Variants in PRKCE observed in about 807,000 individuals in gnomAD.
The protein encoded by PRKCE is protein kinase C epsilon type.
PRKCE carries 16 observed loss-of-function variants against 85.4 expected under a neutral mutation model. That is an observed-to-expected ratio of 0.19 (90% CI 0.13 to 0.28). The LOEUF is 0.28. Ranked by LOEUF, PRKCE falls within the 10% of genes least tolerant of loss-of-function variation. The pLI, the probability that PRKCE is intolerant of heterozygous loss-of-function variation, is 1.00. For synonymous variants in PRKCE, 388 were observed against 371.5 expected, an observed-to-expected ratio of 1.04 and a Z score of -0.51; for missense variants, 573 against 975.2, an observed-to-expected ratio of 0.59 and a Z score of 5.49.
At chr2:46,086,919 C>A (rs1669698273) in intron 11 of PRKCE, among the ~76,000 whole-genome samples, 1 of 152,108 alleles carries the variant, frequency 6.6e-6, no homozygotes, top group South Asian at 2.1e-4. Flanking sequence ...TTTATTACTG[C>A]CCACTCCCCT....
intron 6 of PRKCE, among the ~76,000 whole-genome samples, chr2:45,986,513 C>T (rs1173299494): frequency 6.6e-6 from 1 of 152,096 alleles, no homozygotes; most frequent in Admixed American, 6.5e-5. Flanking sequence ...GCAGATGCAT[C>T]TCGGGTGTCA....
chr2:45,939,705 C>T (rs1331566519), intron 2 of PRKCE, among the ~76,000 whole-genome samples: 1 of 152,118 alleles, frequency 6.6e-6, no homozygotes, highest in Non-Finnish European at 1.5e-5. Context: ...CAGGTGCGTG[C>T]CACCAGGCCC....
In PRKCE at chr2:45,736,508, G is replaced by T. The variant is rs150730843; in HGVS notation, c.348+84060G>T. ...AATCAGTCTATTAGGCAAATTAGACGTGGAGCAGTCACCTCTTCCAGGAAG... is the reference window on the plus strand; with the variant it reads ...AATCAGTCTATTAGGCAAATTAGACTTGGAGCAGTCACCTCTTCCAGGAAG... On this transcript the variant is annotated intron_variant, in intron 1 of 14. Transcript: ENST00000306156. Among the ~76,000 whole-genome samples the T allele has an allele frequency of 4.5e-3, 687 of 152,296 alleles. 3 individuals carry two copies. The highest frequency in any genetic ancestry group is 6.4e-3 in the Non-Finnish European group (435 of 68,042).
intron 2 of PRKCE, among the ~76,000 whole-genome samples, chr2:45,957,558 G>C (rs1701053535): frequency 6.6e-6 from 1 of 152,194 alleles, no homozygotes; most frequent in African/African-American, 2.4e-5. Context: ...TTGTGAATAA[G>C]TAAGTTGATC....
Position 45,784,826 on chromosome 2 carries a change from T to C in PRKCE, c.349-58174T>C, listed in dbSNP as rs146485300. ...GGTTGACTTTGGTTGGGTACTTGAC[T>C]GTGAAGGAGAAGGGGAGAACTTTCT... On this transcript the variant is annotated intron_variant, in intron 1 of 14. Coordinates refer to ENST00000306156, the MANE Select transcript of PRKCE (RefSeq NM_005400.3). Among the ~76,000 whole-genome samples, 359 of 152,348 alleles carry C rather than the reference T, an allele frequency of 2.4e-3. 3 individuals are homozygous for C. The highest frequency in any genetic ancestry group is 8.4e-3 in the African/African-American group (350 of 41,580).
intron 1 of PRKCE, among the ~76,000 whole-genome samples, chr2:45,825,043 C>T (rs1558716858): frequency 6.6e-6 from 1 of 152,166 alleles, no homozygotes. Context: ...ATGAGACTGC[C>T]TTTTTGTTTA....
chr2:46,112,979 A>G (rs1334516023), intron 11 of PRKCE, among the ~76,000 whole-genome samples: 5 of 152,216 alleles, frequency 3.3e-5, no homozygotes, highest in East Asian at 1.9e-4. Context: ...AATCTATAAC[A>G]TATTGTCATA....
chr2:45,839,021 A>G (rs752783746), intron 1 of PRKCE, among the ~76,000 whole-genome samples: 10 of 152,064 alleles, frequency 6.6e-5, no homozygotes, highest in Admixed American at 2.0e-4. Flanking sequence ...CATTTCACTG[A>G]CAAGCAGGCT....
At chr2:45,836,593 G>C (rs1212185520) in intron 1 of PRKCE, among the ~76,000 whole-genome samples, 1 of 152,188 alleles carries the variant, frequency 6.6e-6, no homozygotes, top group Non-Finnish European at 1.5e-5. Flanking sequence ...GTCTGGGGAT[G>C]GTAGTGTGCC....
chr2:45,826,990 T>C (rs1161070016), intron 1 of PRKCE, among the ~76,000 whole-genome samples: 2 of 152,254 alleles, frequency 1.3e-5, no homozygotes, highest in Non-Finnish European at 2.9e-5. Flanking sequence ...TTATTCTCCA[T>C]GCAGCCACCT....
chr2:45,795,154 C>T lies in PRKCE; in HGVS notation c.349-47846C>T, dbSNP rs115051539. 5.0e-3 allele frequency among the ~76,000 whole-genome samples: 755 copies of T among 152,306 alleles called. 2 individuals carry two copies. Among genetic ancestry groups the T allele is most frequent in the East Asian group, 0.01 (52 of 5,178 alleles). The stretch of plus-strand genomic sequence containing the variant: ...CATGCTGATGAGCCAGCCAGGGCCC[C>T]AGCCTCACAGTTTCTGGTCTTCCTT... On this transcript the variant is annotated intron_variant, in intron 1 of 14. Transcript: ENST00000306156.
intron 10 of PRKCE, among the ~76,000 whole-genome samples, chr2:46,085,749 GTTTTTGTTTTTTTTTTT>G: frequency 5.4e-5 from 1 of 18,664 alleles, no homozygotes; most frequent in African/African-American, 1.1e-4. Flanking sequence ...TTTTTTTTTT[GTTTTTGTTTTTTTTTTT>G]TTTTTTAGCC....
At chr2:46,180,081 T>C (rs963043842) in intron 14 of PRKCE, among the ~76,000 whole-genome samples, 1 of 152,048 alleles carries the variant, frequency 6.6e-6, no homozygotes, top group East Asian at 1.9e-4. Flanking sequence ...GCTCATAGAT[T>C]AGTTGAAAAG....
intron 10 of PRKCE, among the ~76,000 whole-genome samples, chr2:46,077,126 A>G (rs1668626324): frequency 6.6e-6 from 1 of 151,968 alleles, no homozygotes. Context: ...AACATTTGCT[A>G]AGACTGCAGA....
At chr2:46,077,051 T>C (rs947259315) in intron 10 of PRKCE, among the ~76,000 whole-genome samples, 1 of 152,144 alleles carries the variant, frequency 6.6e-6, no homozygotes, top group Non-Finnish European at 1.5e-5. Flanking sequence ...TGAAGGATGA[T>C]GATAAGTCCT....
intron 2 of PRKCE, among the ~76,000 whole-genome samples, chr2:45,851,217 A>G (rs1024343908): frequency 6.6e-6 from 1 of 152,242 alleles, no homozygotes; most frequent in Non-Finnish European, 1.5e-5. Flanking sequence ...CCCACTGAAG[A>G]TTCATTTGAA....
intron 2 of PRKCE, among the ~76,000 whole-genome samples, chr2:45,875,787 G>C (rs1573707843): frequency 6.6e-6 from 1 of 152,326 alleles, no homozygotes; most frequent in East Asian, 1.9e-4. Context: ...GTGCTTGGGT[G>C]GTTGGACTAA....
At chr2:46,046,650 T>C (rs1336488731) in intron 10 of PRKCE, among the ~76,000 whole-genome samples, 2 of 152,210 alleles carry the variant, frequency 1.3e-5, no homozygotes, top group Non-Finnish European at 2.9e-5. Flanking sequence ...AGAGTTTACA[T>C]AGCTGGTTGA....
chr2:45,925,576 G>GA (rs1558841782), intron 2 of PRKCE, among the ~76,000 whole-genome samples: 1 of 152,148 alleles, frequency 6.6e-6, no homozygotes, highest in Non-Finnish European at 1.5e-5. Context: ...GATTACAGGC[G>GA]TGAACCACCG....
Sources: allele counts gnomAD v4.1 joint callset (sites outside exome capture counted in the v4.1 genomes callset), GRCh38; gene constraint gnomAD v4.1.1; transcripts MANE v1.5; gene names NCBI Gene and HGNC (gene_info 2026-07-23, HGNC 2026-07-21).